Variants in AFG2A observed in about 807,000 individuals in gnomAD.
AFG2A encodes ATPase family gene 2 protein homolog A.
the AFG2A span, chr4:123,028,408 A>T: frequency 6.2e-7 from 1 of 1,611,432 alleles, no homozygotes; most frequent in Non-Finnish European, 8.5e-7. Context: ...AGGGTGTTAA[A>T]TTTTTTAATC....
At chr4:122,980,056 C>T in the AFG2A span, among the ~76,000 whole-genome samples, 1 of 152,132 alleles carries the variant, frequency 6.6e-6, no homozygotes. Flanking sequence ...AAAAGGTTTG[C>T]ATATTCATCA....
the AFG2A span, among the ~76,000 whole-genome samples, chr4:123,093,073 G>GAT: frequency 6.6e-6 from 1 of 152,296 alleles, no homozygotes; most frequent in African/African-American, 2.4e-5. Context: ...AGTGGGAGAA[G>GAT]ATATGTTTCT....
the AFG2A span, among the ~76,000 whole-genome samples, chr4:122,926,734 C>T: frequency 6.6e-6 from 1 of 152,072 alleles, no homozygotes; most frequent in South Asian, 2.1e-4. Context: ...TTTTTAAATT[C>T]TCTAAGTGTT....
chr4:123,173,340 G>GTTTTTTTTTTTTTTTT, the AFG2A span, among the ~76,000 whole-genome samples: 21 of 70,302 alleles, frequency 3.0e-4, no homozygotes, highest in Non-Finnish European at 4.6e-4. Flanking sequence ...AAGTCCAATG[G>GTTTTTTTTTTTTTTTT]TTTTTTTTTT....
the AFG2A span, among the ~76,000 whole-genome samples, chr4:123,312,231 C>T: frequency 3.3e-5 from 5 of 152,030 alleles, no homozygotes. Flanking sequence ...TAAATGTTCC[C>T]AACCATTATG....
At chr4:123,265,353 A>G in the AFG2A span, among the ~76,000 whole-genome samples, 17 of 152,142 alleles carry the variant, frequency 1.1e-4, no homozygotes, top group African/African-American at 3.6e-4. Context: ...TGAAGGTTGC[A>G]AAATTATAAT....
the AFG2A span, among the ~76,000 whole-genome samples, chr4:123,034,324 G>A: frequency 1.1e-4 from 16 of 151,992 alleles, no homozygotes; most frequent in African/African-American, 3.9e-4. Context: ...GGATAATGTG[G>A]TGATAATAGC....
At chr4:123,090,273 GTA>G in the AFG2A span, among the ~76,000 whole-genome samples, 1 of 152,066 alleles carries the variant, frequency 6.6e-6, no homozygotes, top group Non-Finnish European at 1.5e-5. Flanking sequence ...AATTCTCTAT[GTA>G]TTTGATGAAC....
chr4:123,282,896 G>C, the AFG2A span, among the ~76,000 whole-genome samples: 1 of 152,192 alleles, frequency 6.6e-6, no homozygotes, highest in East Asian at 1.9e-4. Flanking sequence ...ACACCTACCA[G>C]GATGTTTTAT....
the AFG2A span, among the ~76,000 whole-genome samples, chr4:123,152,635 CA>C: frequency 5.9e-5 from 9 of 152,320 alleles, no homozygotes; most frequent in East Asian, 1.5e-3. Context: ...TGTGGAGCAT[CA>C]AGAACTTTCA....
At chr4:123,129,674 T>C in the AFG2A span, among the ~76,000 whole-genome samples, 1 of 152,144 alleles carries the variant, frequency 6.6e-6, no homozygotes, top group Non-Finnish European at 1.5e-5. Flanking sequence ...TTTATTCTGG[T>C]CTGCCTAGCC....
chr4:123,254,733 A>G, the AFG2A span, among the ~76,000 whole-genome samples: 38 of 152,318 alleles, frequency 2.5e-4, no homozygotes, highest in African/African-American at 8.2e-4. Flanking sequence ...GCTTTCTCCT[A>G]TTACCAAGAG....
At chr4:123,071,869 C>T in the AFG2A span, among the ~76,000 whole-genome samples, 2 of 152,080 alleles carry the variant, frequency 1.3e-5, no homozygotes, top group Non-Finnish European at 2.9e-5. Flanking sequence ...ATGGTTTTTG[C>T]TTTCATATTT....
chr4:122,995,783 G>T, the AFG2A span, among the ~76,000 whole-genome samples: 1 of 152,128 alleles, frequency 6.6e-6, no homozygotes, highest in South Asian at 2.1e-4. Context: ...ATTATGCTAC[G>T]CTTCTTTGTA....
the AFG2A span, among the ~76,000 whole-genome samples, chr4:123,225,728 T>C: frequency 2.0e-5 from 3 of 152,198 alleles, no homozygotes; most frequent in Non-Finnish European, 4.4e-5. Context: ...TTTCAAGTAG[T>C]TTTTTCCAAT....
the AFG2A span, among the ~76,000 whole-genome samples, chr4:123,104,694 T>C: frequency 6.6e-6 from 1 of 152,246 alleles, no homozygotes; most frequent in South Asian, 2.1e-4. Flanking sequence ...ATTACTGATA[T>C]GGAGAAAGTT....
the AFG2A span, among the ~76,000 whole-genome samples, chr4:123,224,139 T>A: frequency 1.3e-5 from 2 of 152,196 alleles, no homozygotes; most frequent in African/African-American, 2.4e-5. Flanking sequence ...TGTTTTTGGG[T>A]ATCTAGTTTT....
the AFG2A span, among the ~76,000 whole-genome samples, chr4:123,121,258 A>G: frequency 9.7e-5 from 8 of 82,640 alleles, no homozygotes; most frequent in East Asian, 7.7e-3. Context: ...TAAAAAAAAA[A>G]AATAATAAAT....
At chr4:123,306,465 CTTATT>C in the AFG2A span, among the ~76,000 whole-genome samples, 2 of 152,096 alleles carry the variant, frequency 1.3e-5, no homozygotes, top group East Asian at 3.9e-4. Context: ...ATTTTTTTGT[CTTATT>C]TTCTCATTTT....
Sources: allele counts gnomAD v4.1 joint callset (sites outside exome capture counted in the v4.1 genomes callset), GRCh38; gene constraint gnomAD v4.1.1; transcripts MANE v1.5; gene names NCBI Gene and HGNC (gene_info 2026-07-23, HGNC 2026-07-21).